Variants in BICDL1 observed in about 807,000 individuals in gnomAD.
BICDL1 encodes BICD family-like cargo adapter 1.
Under a neutral mutation model 76.8 loss-of-function variants are expected in BICDL1, and 20 were observed. That is an observed-to-expected ratio of 0.26 (90% CI 0.18 to 0.38). The LOEUF is 0.38. Among genes scored for constraint, BICDL1 ranks in the 10% least tolerant of loss-of-function variants. The pLI, the probability that BICDL1 is intolerant of heterozygous loss-of-function variation, is 1.00. For synonymous variants in BICDL1, 383 were observed against 337.1 expected (o/e 1.14, Z -1.49); for missense variants, 700 against 798.6 (o/e 0.88, Z 1.49).
At chr12:119,999,574 C>T (rs1000260668) in intron 2 of BICDL1, among the ~76,000 whole-genome samples, 1 of 152,084 alleles carries the variant, frequency 6.6e-6, no homozygotes, top group African/African-American at 2.4e-5. Flanking sequence ...ATTTAGTAAA[C>T]ATTCTTTATT....
rs549122286 is a variant in BICDL1 at position 120,010,224 on chromosome 12, C to T, written c.645+11488C>T. On this transcript the variant is annotated intron_variant, in intron 2 of 9. Coordinates refer to ENST00000548673, the MANE Select transcript of BICDL1 (RefSeq NM_001367886.1). The stretch of plus-strand genomic sequence containing the variant: ...AAGGTGGACTGAGTAAAACTGGTTG[C>T]GCTTGTAACTGCTTCACTGGGTGAA... 1.2e-3 allele frequency among the ~76,000 whole-genome samples: 179 copies of T among 152,246 alleles called. 2 individuals are homozygous for T. Among genetic ancestry groups the T allele is most frequent in the Admixed American group, 2.1e-3 (32 of 15,298 alleles).
chr12:120,018,330 C>G (rs1952108010), intron 2 of BICDL1, among the ~76,000 whole-genome samples: 1 of 152,176 alleles, frequency 6.6e-6, no homozygotes, highest in Non-Finnish European at 1.5e-5. Flanking sequence ...GCCAGTGTTA[C>G]AACTTAATTC....
intron 4 of BICDL1, among the ~76,000 whole-genome samples, chr12:120,065,224 G>A (rs1953194861): frequency 6.6e-6 from 1 of 152,190 alleles, no homozygotes; most frequent in Non-Finnish European, 1.5e-5. Flanking sequence ...TTCAGAGGGA[G>A]CCTGTGACTC....
chr12:120,016,235 CT>C (rs1165490230), intron 2 of BICDL1, among the ~76,000 whole-genome samples: 2 of 152,082 alleles, frequency 1.3e-5, no homozygotes, highest in African/African-American at 4.8e-5. Context: ...ATAATAGTTC[CT>C]TTTTTAGTAT....
intron 3 of BICDL1, 111 bp from the exon 4 acceptor site, chr12:120,064,622 G>A (rs1297201438): frequency 9.2e-7 from 1 of 1,084,514 alleles, no homozygotes; most frequent in Non-Finnish European, 1.3e-6. Context: ...CCGTGACATT[G>A]GGCAGAATAC....
intron 2 of BICDL1, among the ~76,000 whole-genome samples, chr12:120,011,004 G>C (rs1382886409): frequency 6.6e-6 from 1 of 152,208 alleles, no homozygotes; most frequent in African/African-American, 2.4e-5. Flanking sequence ...CGTTAATACT[G>C]AAGTTGTTGT....
intron 1 of BICDL1, among the ~76,000 whole-genome samples, chr12:119,995,748 AG>A (rs1242885771): frequency 6.6e-6 from 1 of 152,156 alleles, no homozygotes; most frequent in Non-Finnish European, 1.5e-5. Context: ...GCACTTTGGG[AG>A]GCCGAGGCAA....
At position 120,090,017 on chromosome 12, in the gene BICDL1, G is replaced by A. The variant is rs759586519; in HGVS notation, c.1650G>A (p.Leu550=). The change falls in exon 9 of 10, where the codon TTG becomes TTA. Residue 550 remains leucine (L), a synonymous_variant. Coordinates refer to ENST00000548673, the MANE Select transcript of BICDL1 (RefSeq NM_001367886.1). ...RMDMMSLNSQ[L]LDAIQQKLNL... ...ATATGATGTCTCTGAACAGCCAGTT[G>A]CTGGATGCCATTCAGCAGAAACTGA... is the stretch of plus-strand genomic sequence containing the variant. 2 of 1,614,102 alleles carry A rather than the reference G, an allele frequency of 1.2e-6. No individual in the cohort carries two copies. The highest frequency in any genetic ancestry group is 2.2e-5 in the South Asian group (2 of 91,094).
chr12:120,073,912 T>TTTTTTTG (rs762425385), intron 6 of BICDL1, among the ~76,000 whole-genome samples: 10 of 152,094 alleles, frequency 6.6e-5, no homozygotes, highest in Non-Finnish European at 1.5e-4. Flanking sequence ...AGCAATCTCT[T>TTTTTTTG]TTTTTTGTTT....
chr12:120,013,524 C>T (rs1174351523), intron 2 of BICDL1, among the ~76,000 whole-genome samples: 4 of 150,334 alleles, frequency 2.7e-5, no homozygotes, highest in Middle Eastern at 3.2e-3. Flanking sequence ...TGCAGTGGCG[C>T]GATCTCGGCT....
intron 2 of BICDL1, among the ~76,000 whole-genome samples, chr12:120,034,291 T>G (rs1289589960): frequency 6.6e-6 from 1 of 152,184 alleles, no homozygotes; most frequent in Admixed American, 6.5e-5. Flanking sequence ...ACATGCAAAA[T>G]ACAATCAAGG....
At chr12:120,044,965 G>A (rs1952716531) in intron 2 of BICDL1, among the ~76,000 whole-genome samples, 1 of 152,058 alleles carries the variant, frequency 6.6e-6, no homozygotes, top group Non-Finnish European at 1.5e-5. Context: ...TAGCTTGATG[G>A]GGATGGCATT....
chr12:120,054,152 A>T (rs1303695660), intron 2 of BICDL1, among the ~76,000 whole-genome samples: 2 of 150,974 alleles, frequency 1.3e-5, no homozygotes, highest in Non-Finnish European at 2.9e-5. Context: ...AGCTCACTGC[A>T]ACCTCCACCT....
chr12:120,040,300 A>G (rs1952612933), intron 2 of BICDL1, among the ~76,000 whole-genome samples: 1 of 152,048 alleles, frequency 6.6e-6, no homozygotes, highest in Admixed American at 6.5e-5. Flanking sequence ...GCTGTTGGTC[A>G]GGCTGGTCTT....
intron 2 of BICDL1, among the ~76,000 whole-genome samples, chr12:120,006,154 T>C (rs1256971392): frequency 6.6e-6 from 1 of 152,128 alleles, no homozygotes; most frequent in African/African-American, 2.4e-5. Flanking sequence ...ATGTGTGTGA[T>C]TGGTGGGGAG....
chr12:120,054,368 T>C (rs1285998825), intron 2 of BICDL1, among the ~76,000 whole-genome samples: 4 of 152,018 alleles, frequency 2.6e-5, no homozygotes, highest in Non-Finnish European at 1.5e-5. Flanking sequence ...ATGAGCCACC[T>C]GGCCAGGTTT....
intron 2 of BICDL1, among the ~76,000 whole-genome samples, chr12:120,001,652 A>C (rs1297111935): frequency 6.6e-6 from 1 of 152,244 alleles, no homozygotes; most frequent in Non-Finnish European, 1.5e-5. Context: ...CAGAGTTTAC[A>C]TACATCTCAT....
Position 120,071,203 on chromosome 12 carries a change from C to T in BICDL1, c.910-419C>T, listed in dbSNP as rs1482656274. Among the ~76,000 whole-genome samples the T allele has an allele frequency of 2.0e-5, 3 of 151,730 alleles. No homozygotes were observed. Among genetic ancestry groups the T allele is most frequent in the Non-Finnish European group, 2.9e-5 (2 of 67,972 alleles). ...TGTCACCCAGGTTGGAGTGCAATGG[C>T]GTGATCTTAGCTCATTGCAACGTCC... On this transcript the variant is annotated intron_variant, in intron 4 of 9. Transcript: ENST00000548673. The surrounding 1 kb of genome is among the most constrained non-coding windows in gnomAD (Gnocchi z 4.8).
intron 2 of BICDL1, among the ~76,000 whole-genome samples, chr12:120,027,471 G>T (rs1469584103): frequency 1.3e-5 from 2 of 152,108 alleles, no homozygotes; most frequent in Non-Finnish European, 2.9e-5. Flanking sequence ...GGTGGTATTA[G>T]ATATTACCCT....
Sources: gnomAD v4.1 joint callset for allele counts (sites outside exome capture counted in the v4.1 genomes callset) on GRCh38, gnomAD v4.1.1 for gene constraint, Gnocchi (gnomAD v3.1) non-coding constraint, MANE v1.5 for transcripts, NCBI Gene and HGNC (gene_info 2026-07-23, HGNC 2026-07-21) for gene names.